Variants in PIBF1 observed in about 807,000 individuals in gnomAD.
PIBF1 encodes the protein progesterone-induced-blocking factor 1.
PIBF1 carries 90 observed loss-of-function variants against 112.5 expected under a neutral mutation model. The observed-to-expected ratio is 0.80, with a 90% CI of 0.67 to 0.95. The LOEUF is 0.95. PIBF1 is among the 40% of genes least tolerant of loss of function. The pLI, the probability that PIBF1 is intolerant of heterozygous loss-of-function variation, is 0.00. For missense variants in PIBF1, 915 were observed against 852.3 expected, an observed-to-expected ratio of 1.07 and a Z score of -0.92; for synonymous variants, 301 against 288.6, an observed-to-expected ratio of 1.04 and a Z score of -0.44.
At position 72,854,115 on chromosome 13, in the gene PIBF1, GA is replaced by G; in HGVS notation, c.1286del (p.Lys429ArgfsTer4). The part of the protein sequence containing the change: ...VAEKERAVMA[E>X]KDALEKHDQL... The stretch of plus-strand genomic sequence containing the variant: ...TGAAAAGGAACGAGCAGTGATGGCT[GA>G]AAAGGATGCTTTAGAAAAACACGAT... On this transcript the variant is annotated frameshift_variant, in exon 10 of 18. Coordinates refer to ENST00000326291, the MANE Select transcript of PIBF1 (RefSeq NM_006346.4). LOFTEE classifies it high-confidence loss of function. 1 of 1,613,332 alleles carries G rather than the reference GA, an allele frequency of 6.2e-7. No individual in the cohort carries two copies. The highest frequency in any genetic ancestry group is 8.5e-7 in the Non-Finnish European group (1 of 1,179,352).
chr13:72,999,093 A>G, intron 17 of PIBF1, 98 bp downstream of exon 17: 1 of 730,432 alleles, frequency 1.4e-6, no homozygotes, highest in South Asian at 2.0e-5. Context: ...AAATGAGTAG[A>G]TTCCACAAAT....
intron 13 of PIBF1, 29 bp from the exon 14 acceptor site, chr13:72,931,136 G>T: frequency 7.4e-7 from 1 of 1,353,384 alleles, no homozygotes; most frequent in South Asian, 1.2e-5. Flanking sequence ...TCACTTTTAA[G>T]CATTAATTTT....
At chr13:72,857,832 C>T (rs546064527) in intron 10 of PIBF1, among the ~76,000 whole-genome samples, 50 of 152,246 alleles carry the variant, frequency 3.3e-4, no homozygotes, top group Non-Finnish European at 6.3e-4. Flanking sequence ...AAGAGTGAAA[C>T]TCTGTCTCAA....
chr13:72,969,022 T>C (rs550846917), intron 15 of PIBF1, among the ~76,000 whole-genome samples: 29 of 148,950 alleles, frequency 1.9e-4, no homozygotes, highest in Non-Finnish European at 3.2e-4. Flanking sequence ...AAAGCAAAAC[T>C]CTGTCTCAAA....
chr13:72,836,445 A>G (rs1165723579), intron 9 of PIBF1, among the ~76,000 whole-genome samples: 1 of 152,156 alleles, frequency 6.6e-6, no homozygotes, highest in Non-Finnish European at 1.5e-5. Context: ...AAAATTTGGT[A>G]TGTCCACCCC....
chr13:73,002,589 A>G (rs2043906098), intron 17 of PIBF1, among the ~76,000 whole-genome samples: 1 of 152,200 alleles, frequency 6.6e-6, no homozygotes, highest in South Asian at 2.1e-4. Context: ...ATTTATACTC[A>G]GGATTCACAT....
chr13:72,857,101 CAAAT>C (rs1374745741), intron 10 of PIBF1, among the ~76,000 whole-genome samples: 7 of 151,970 alleles, frequency 4.6e-5, no homozygotes, highest in Non-Finnish European at 5.9e-5. Flanking sequence ...TGAAACCAGA[CAAAT>C]AAGTTCTGTG....
intron 10 of PIBF1, among the ~76,000 whole-genome samples, chr13:72,873,168 A>G (rs1361897915): frequency 6.6e-6 from 1 of 152,178 alleles, no homozygotes; most frequent in African/African-American, 2.4e-5. Flanking sequence ...AGGTGCCTAG[A>G]TAGTTCAGTG....
At chr13:73,005,989 G>A (rs1434056070) in intron 17 of PIBF1, among the ~76,000 whole-genome samples, 2 of 145,142 alleles carry the variant, frequency 1.4e-5, no homozygotes, top group African/African-American at 5.1e-5. Flanking sequence ...GTGCAAACTC[G>A]GCTCACTGCA....
chr13:72,923,746 C>T (rs2041379450), intron 13 of PIBF1, among the ~76,000 whole-genome samples: 1 of 152,150 alleles, frequency 6.6e-6, no homozygotes. Flanking sequence ...AGGTGAATCA[C>T]CTGAGGTCAG....
At chr13:72,827,679 T>C (rs2036883313) in intron 7 of PIBF1, 54 bp from the exon 8 acceptor site, 1 of 1,060,614 alleles carries the variant, frequency 9.4e-7, no homozygotes, top group African/African-American at 1.6e-5. Context: ...ACAGTCAAGC[T>C]TGAAAAGTAA....
chr13:72,947,012 T>C (rs752589820), intron 14 of PIBF1, among the ~76,000 whole-genome samples: 8 of 152,214 alleles, frequency 5.3e-5, no homozygotes, highest in African/African-American at 1.2e-4. Flanking sequence ...GTGGACTTTT[T>C]GTGGGTGCTC....
At chr13:72,970,447 A>G (rs1482973049) in intron 15 of PIBF1, 1 of 152,188 alleles carries the variant, frequency 6.6e-6, no homozygotes, top group Non-Finnish European at 1.5e-5. Context: ...CTTAACTGGT[A>G]GTTAAAGATA....
chr13:72,949,758 A>G (rs1425793160), intron 14 of PIBF1, among the ~76,000 whole-genome samples: 2 of 152,176 alleles, frequency 1.3e-5, no homozygotes, highest in Non-Finnish European at 2.9e-5. Flanking sequence ...AGTACATTCT[A>G]TTAGTTGCTA....
At chr13:72,919,965 C>T (rs77775248) in intron 13 of PIBF1, among the ~76,000 whole-genome samples, 4,064 of 152,236 alleles carry the variant, frequency 0.027, 75 homozygotes, top group Non-Finnish European at 0.041. Context: ...CAGAGTAAGA[C>T]TCTGTCTCCA....
intron 10 of PIBF1, among the ~76,000 whole-genome samples, chr13:72,855,399 T>C (rs1208868705): frequency 6.6e-6 from 1 of 152,132 alleles, no homozygotes; most frequent in Non-Finnish European, 1.5e-5. Context: ...GCTATCGGGC[T>C]AGGCACTGGA....
chr13:72,829,462 A>ATAAGGTG (rs2036992860), intron 8 of PIBF1, among the ~76,000 whole-genome samples: 1 of 152,108 alleles, frequency 6.6e-6, no homozygotes, highest in African/African-American at 2.4e-5. Context: ...TGTATAAGGT[A>ATAAGGTG]TAAGGAAGGG....
At chr13:72,991,048 A>G (rs1452396513) in intron 16 of PIBF1, among the ~76,000 whole-genome samples, 1 of 152,160 alleles carries the variant, frequency 6.6e-6, no homozygotes, top group Admixed American at 6.5e-5. Flanking sequence ...TGTCAAAGCT[A>G]TTTTCATCAA....
intron 5 of PIBF1, among the ~76,000 whole-genome samples, chr13:72,819,675 C>T (rs748519629): frequency 1.3e-5 from 2 of 151,820 alleles, no homozygotes; most frequent in East Asian, 1.9e-4. Flanking sequence ...AGTGTTAAGT[C>T]GACAATGTAT....
Sources: gnomAD v4.1 joint callset for allele counts (sites outside exome capture counted in the v4.1 genomes callset) on GRCh38, gnomAD v4.1.1 for gene constraint, MANE v1.5 for transcripts, NCBI Gene and HGNC (gene_info 2026-07-23, HGNC 2026-07-21) for gene names.